Variants in ANKRD11 observed in about 807,000 individuals in gnomAD.
ANKRD11 encodes ankyrin repeat domain-containing protein 11.
Under a neutral mutation model 195.7 loss-of-function variants are expected in ANKRD11, and 17 were observed. The ratio of observed to expected loss-of-function variants is 0.09; its 90% CI spans 0.06 to 0.13. The LOEUF is 0.13. Ranked by LOEUF, ANKRD11 falls within the 10% of genes least tolerant of loss-of-function variation. The pLI, the probability that ANKRD11 is intolerant of heterozygous loss-of-function variation, is 1.00. For synonymous variants in ANKRD11, 1,953 were observed against 1,528.1 expected, an observed-to-expected ratio of 1.28 and a Z score of -6.49; for missense variants, 3,735 against 3,566.1, an observed-to-expected ratio of 1.05 and a Z score of -1.21.
chr16:89,406,362 T>C (rs572691948), intron 2 of ANKRD11, among the ~76,000 whole-genome samples: 1 of 152,112 alleles, frequency 6.6e-6, no homozygotes, highest in South Asian at 2.1e-4. Context: ...CACCTGGGCC[T>C]CGGCCACACT....
intron 2 of ANKRD11, among the ~76,000 whole-genome samples, chr16:89,409,770 A>C (rs963469416): frequency 1.3e-5 from 2 of 152,344 alleles, no homozygotes; most frequent in Middle Eastern, 3.4e-3. Flanking sequence ...GGATTTCTTT[A>C]ACAAAATCTG....
chr16:89,382,779 C>T lies in ANKRD11; in HGVS notation c.-60+35505G>A, dbSNP rs115965285. 3.4e-3 allele frequency among the ~76,000 whole-genome samples: 520 copies of T among 152,316 alleles called. 1 individual carries two copies. The highest frequency in any genetic ancestry group is 0.012 in the African/African-American group (502 of 41,570). On this transcript the variant is annotated intron_variant, in intron 2 of 12. Transcript: ENST00000301030. ...ATAGGTGTGAGTCAACTGTGTTCAG[C>T]TGAAATAAACGTTTAACCACCACCT...
chr16:89,313,967 T>A (rs1047370891), intron 3 of ANKRD11, among the ~76,000 whole-genome samples: 38 of 152,326 alleles, frequency 2.5e-4, no homozygotes, highest in African/African-American at 8.9e-4. Context: ...AGGCTGGGTG[T>A]GGTAGTTCAC....
chr16:89,310,281 C>CT (rs1201804826), intron 3 of ANKRD11, among the ~76,000 whole-genome samples: 1 of 152,310 alleles, frequency 6.6e-6, no homozygotes, highest in East Asian at 1.9e-4. Context: ...GAGCTCTCTT[C>CT]TGTTCCACTC....
intron 2 of ANKRD11, chr16:89,323,698 C>T: frequency 3.3e-6 from 1 of 305,016 alleles, no homozygotes; most frequent in South Asian, 2.7e-5. Context: ...TCTGTCCAGC[C>T]TCCACACACC....
chr16:89,407,871 A>AG (rs1029977569), intron 2 of ANKRD11, among the ~76,000 whole-genome samples: 9 of 117,928 alleles, frequency 7.6e-5, no homozygotes, highest in African/African-American at 2.1e-4. Context: ...AAAAAAAAAA[A>AG]AAGAAGAAGA....
intron 9 of ANKRD11, chr16:89,278,494 G>A (rs1051917547): frequency 1.1e-5 from 5 of 455,798 alleles, no homozygotes; most frequent in Non-Finnish European, 1.8e-5. Flanking sequence ...TGAGCCTGCA[G>A]AGGTAGGGAT....
chr16:89,285,397 G>C lies in ANKRD11; in HGVS notation c.1145C>G (p.Ser382Cys), dbSNP rs749327729. ...ACTTTTAACCTCCATTTTGGGTATA[G>C]AGATAAAACTATTGGATTTCGTTTC... Reference protein sequence around the residue: ...RKETKSNSFISIPKMEVKSYT... With the variant: ...RKETKSNSFICIPKMEVKSYT... The change falls in exon 9 of 13, where the codon TCT becomes TGT. Residue 382 changes from serine (S) to cysteine (C), a missense_variant. Coordinates refer to ENST00000301030, the MANE Select transcript of ANKRD11 (RefSeq NM_013275.6). This position sits in a 1 kb window ranked among gnomAD's most constrained non-coding sequence, Gnocchi z 5.6. The C allele has an allele frequency of 3.1e-6, 5 of 1,614,168 alleles. No homozygotes were observed. The highest frequency in any genetic ancestry group is 1.7e-5 in the Admixed American group (1 of 60,028).
Position 89,279,749 on chromosome 16 carries a change from C to T in ANKRD11, c.6793G>A (p.Ala2265Thr), listed in dbSNP as rs1567554892. Residue 2265 changes from alanine to threonine, a missense_variant, in exon 9 of 13, where the codon GCC (alanine) becomes ACC (threonine). Coordinates refer to ENST00000301030, the MANE Select transcript of ANKRD11 (RefSeq NM_013275.6). This position sits in a 1 kb window ranked among gnomAD's most constrained non-coding sequence, Gnocchi z 5.6. Reference protein sequence around the residue: ...DQGAEAEGPPAASLCAPDGPA... With the variant: ...DQGAEAEGPPTASLCAPDGPA... ...CCGTCAGGGGCACAGAGGGACGCGG[C>T]GGGGGGGCCTTCAGCCTCAGCCCCC... 3 of 1,524,000 alleles carry T rather than the reference C, an allele frequency of 2.0e-6. No homozygotes were observed. The highest frequency in any genetic ancestry group is 2.4e-5 in the East Asian group (1 of 40,950). 94.4% of individuals were successfully genotyped at this position (1,524,000 alleles called of 1,614,324 possible). A position where few individuals can be genotyped will look rare whatever the true frequency, so the allele number is the denominator to read the frequency against.
At chr16:89,436,145 T>G (rs1451906234) in intron 1 of ANKRD11, among the ~76,000 whole-genome samples, 1 of 152,148 alleles carries the variant, frequency 6.6e-6, no homozygotes, top group African/African-American at 2.4e-5. Context: ...CCGGGCACAG[T>G]GGCTCATGCC....
intron 2 of ANKRD11, among the ~76,000 whole-genome samples, chr16:89,383,351 C>T (rs1401365171): frequency 1.3e-5 from 2 of 152,244 alleles, no homozygotes; most frequent in African/African-American, 4.8e-5. Context: ...GCAGCAGCCC[C>T]ATACCAACGC....
chr16:89,406,733 T>C (rs2041923063), intron 2 of ANKRD11, among the ~76,000 whole-genome samples: 1 of 152,164 alleles, frequency 6.6e-6, no homozygotes, highest in Non-Finnish European at 1.5e-5. Flanking sequence ...AGTGCCTCCT[T>C]CACGCTGATA....
intron 1 of ANKRD11, among the ~76,000 whole-genome samples, chr16:89,445,743 G>A (rs1435798516): frequency 2.0e-5 from 3 of 152,146 alleles, no homozygotes; most frequent in African/African-American, 7.2e-5. Context: ...GGGAGGCTGA[G>A]GCAGGCAGAT....
intron 2 of ANKRD11, among the ~76,000 whole-genome samples, chr16:89,405,674 A>C (rs1463844918): frequency 6.6e-6 from 1 of 152,016 alleles, no homozygotes; most frequent in Non-Finnish European, 1.5e-5. Flanking sequence ...ACTGCTGCAG[A>C]TAAGGCATGT....
At chr16:89,417,645 C>T (rs1415919821) in intron 2 of ANKRD11, among the ~76,000 whole-genome samples, 2 of 152,162 alleles carry the variant, frequency 1.3e-5, no homozygotes, top group African/African-American at 4.8e-5. Context: ...GCCAGAATAG[C>T]CATCTAGAGG....
intron 1 of ANKRD11, among the ~76,000 whole-genome samples, chr16:89,421,740 G>T (rs2042517478): frequency 6.9e-6 from 1 of 145,564 alleles, no homozygotes; most frequent in African/African-American, 2.6e-5. Context: ...AAGGGTCGGT[G>T]TGTGATGACG....
chr16:89,486,072 T>G (rs1298983998), intron 1 of ANKRD11, among the ~76,000 whole-genome samples: 1 of 152,180 alleles, frequency 6.6e-6, no homozygotes, highest in East Asian at 1.9e-4. Context: ...CAACTCTCCC[T>G]TTATGTTTCT....
At chr16:89,393,202 C>A (rs932848131) in intron 2 of ANKRD11, among the ~76,000 whole-genome samples, 1 of 152,160 alleles carries the variant, frequency 6.6e-6, no homozygotes, top group Non-Finnish European at 1.5e-5. Flanking sequence ...GAGCACGACG[C>A]CAGCCTCATT....
At chr16:89,294,027 C>T (rs1200596709) in intron 4 of ANKRD11, among the ~76,000 whole-genome samples, 1 of 152,146 alleles carries the variant, frequency 6.6e-6, no homozygotes. Flanking sequence ...AGCTCACACC[C>T]AACATGTGCA....
Sources: allele counts gnomAD v4.1 joint callset (sites outside exome capture counted in the v4.1 genomes callset), GRCh38; gene constraint gnomAD v4.1.1; non-coding constraint Gnocchi (gnomAD v3.1); transcripts MANE v1.5; gene names NCBI Gene and HGNC (gene_info 2026-07-23, HGNC 2026-07-21).